Variants in ZNF687 observed in about 807,000 individuals in gnomAD.
ZNF687 encodes the protein zinc finger protein 687.
ZNF687 carries 13 observed loss-of-function variants against 71.8 expected under a neutral mutation model. That is an observed-to-expected ratio of 0.18 (90% CI 0.12 to 0.29). The LOEUF is 0.29. ZNF687 is among the 10% of genes least tolerant of loss of function. The probability of loss-of-function intolerance (pLI) is 1.00; values close to 1 mark genes in which losing one functional copy is unlikely to be tolerated. For missense variants in ZNF687, 1,412 were observed against 1,625.6 expected, an observed-to-expected ratio of 0.87 and a Z score of 2.26; for synonymous variants, 673 against 641.6, an observed-to-expected ratio of 1.05 and a Z score of -0.74.
At position 151,289,239 on chromosome 1, in the gene ZNF687, C is replaced by G. The variant is rs770578025; in HGVS notation, c.2439C>G (p.Ser813=). 3 of 1,614,068 alleles carry G rather than the reference C, an allele frequency of 1.9e-6. No homozygotes were observed. In the Admixed American group the frequency reaches 5.0e-5, roughly 27 times the overall value. The change falls in exon 4 of 9, where the codon TCC becomes TCG. Residue 813 remains serine, a synonymous_variant. Coordinates refer to ENST00000336715, the MANE Select transcript of ZNF687 (RefSeq NM_020832.3). ...CAAGTGCCCATGCCCACCTCTACTC[C>G]CAGCATCCCAGCTTCCAAACTCAGC... The part of the protein sequence containing the change: ...SGPSAHAHLY[S]QHPSFQTQQA...
chr1:151,287,152 A>T lies in ZNF687; in HGVS notation c.861A>T (p.Glu287Asp), dbSNP rs149043825. The T allele has an allele frequency of 2.8e-4, 444 of 1,614,140 alleles. No individual in the cohort carries two copies. Among genetic ancestry groups the T allele is most frequent in the Non-Finnish European group, 3.0e-4 (357 of 1,180,012 alleles). The change falls in exon 2 of 9, where the codon GAA becomes GAT. Residue 287 changes from glutamate (E) to aspartate (D), a missense_variant. Transcript: ENST00000336715. This position sits in a 1 kb window ranked among gnomAD's most constrained non-coding sequence, Gnocchi z 5.0. ...KVPVCQPLKE[E>D]DDDEGPVDKS... ...CCGTCTGTCAGCCCTTGAAGGAAGA[A>T]GATGATGATGAGGGGCCAGTGGACA...
In ZNF687 at chr1:151,289,612, A is replaced by G. The variant is rs1215824605; in HGVS notation, c.2635-66A>G. ...TGGGGCTGGGGCCACATACTTCAGAAGTGGGGGGCTTTGGCATAGCCAGGC... is the reference window on the plus strand; with the variant it reads ...TGGGGCTGGGGCCACATACTTCAGAGGTGGGGGGCTTTGGCATAGCCAGGC... On this transcript the variant is annotated intron_variant, in intron 5 of 8. Transcript: ENST00000336715. 5 of 1,607,108 alleles carry G rather than the reference A, an allele frequency of 3.1e-6. No individual in the cohort carries two copies. The Admixed American group carries it at 8.4e-5, about 27-fold the overall frequency.
rs199776443 is a variant in ZNF687 at position 151,287,379 on chromosome 1, C to T, written c.1088C>T (p.Ala363Val). The T allele has an allele frequency of 1.8e-4, 294 of 1,614,038 alleles. No homozygotes were observed. The highest frequency in any genetic ancestry group is 3.3e-4 in the Middle Eastern group (2 of 6,084). ...CCACCTGCCCCCTTGGCTGAGGGGG[C>T]CTTCTTGGCTGAGGCTAGCCTCTTG... Reference protein sequence around the residue: ...PDPPAPLAEGAFLAEASLLKL... With the variant: ...PDPPAPLAEGVFLAEASLLKL... The change falls in exon 2 of 9, where the codon GCC becomes GTC. Residue 363 changes from alanine to valine, a missense_variant. Ala to Val is a moderately conservative substitution (Grantham distance 64). Coordinates refer to ENST00000336715, the MANE Select transcript of ZNF687 (RefSeq NM_020832.3). The surrounding 1 kb of genome is among the most constrained non-coding windows in gnomAD (Gnocchi z 5.0).
At chr1:151,282,225 G>C, upstream of ZNF687, 1 of 1,034,420 alleles carries the variant, frequency 9.7e-7, no homozygotes, top group Non-Finnish European at 1.2e-6. Flanking sequence ...CCAATGGCGA[G>C]TGCGAAAACG....
At position 151,288,359 on chromosome 1, in the gene ZNF687, G is replaced by A. The variant is rs1186461071; in HGVS notation, c.2068G>A (p.Ala690Thr). 3 of 1,609,554 alleles carry A rather than the reference G, an allele frequency of 1.9e-6. No individual in the cohort carries two copies. The highest frequency in any genetic ancestry group is 1.7e-5 in the Admixed American group (1 of 59,974). Reference sequence around the variant, plus strand: ...GTGCCGGGACAAGGCTGGCATGGCAGCTCACTTCCAGCAGCTCGGCCCCCC... The same window carrying A: ...GTGCCGGGACAAGGCTGGCATGGCAACTCACTTCCAGCAGCTCGGCCCCCC... The part of the protein sequence containing the change: ...EQCRDKAGMA[A>T]HFQQLGPPAP... The change falls in exon 2 of 9, where the codon GCT becomes ACT. Residue 690 changes from alanine to threonine, a missense_variant. This residue lies in a region of ZNF687 where 207 missense variants were observed against 239.2 expected (regional missense o/e 0.87). Coordinates refer to ENST00000336715, the MANE Select transcript of ZNF687 (RefSeq NM_020832.3).
Position 151,290,220 on chromosome 1 carries a change from A to T in ZNF687, c.3063A>T (p.Arg1021=). The change falls in exon 7 of 9, where the codon CGA becomes CGT. Residue 1021 remains arginine, a synonymous_variant. Coordinates refer to ENST00000336715, the MANE Select transcript of ZNF687 (RefSeq NM_020832.3). ...GAGTTAATCACGAGGGCATCAAGCG[A>T]GTTTACCCCTGCAGGTAAGTCTTGC... ...HVRVNHEGIK[R]VYPCRYCTEG... is the part of the protein sequence containing the mutation. 1.2e-6 allele frequency: 2 copies of T among 1,613,938 alleles called. No individual in the cohort carries two copies. The highest frequency in any genetic ancestry group is 3.3e-5 in the Admixed American group (2 of 60,016).
chr1:151,291,046 C>CGGGG lies in ZNF687; in HGVS notation c.3551_3552insGGGG (p.Asp1185GlyfsTer2), dbSNP rs777993819. 2 of 1,613,888 alleles carry CGGGG rather than the reference C, an allele frequency of 1.2e-6. No individual in the cohort carries two copies. Among genetic ancestry groups the CGGGG allele is most frequent in the Non-Finnish European group, 1.7e-6 (2 of 1,180,020 alleles). ...GAGGAAGAGGCCCCTCCATCAAGGT[C>CGGGG]TGACCCCGATGGTGGAGACTCACCC... is the stretch of plus-strand genomic sequence containing the variant. On this transcript the variant is annotated frameshift_variant, in exon 9 of 9. Coordinates refer to ENST00000336715, the MANE Select transcript of ZNF687 (RefSeq NM_020832.3). LOFTEE classifies it high-confidence loss of function.
Position 151,282,352 on chromosome 1 carries a change from G to T in ZNF687, c.-61G>T. ...GGCGGTGGCTGCAGCGGCTGGAGCG[G>T]GGTAGAGACCGCCGGGTCTCGGCCC... On this transcript the variant is annotated 5_prime_UTR_variant, in exon 1 of 9. Coordinates refer to ENST00000336715, the MANE Select transcript of ZNF687 (RefSeq NM_020832.3). The T allele has an allele frequency of 1.0e-6, 1 of 996,442 alleles. No individual in the cohort carries two copies. The highest frequency in any genetic ancestry group is 1.2e-6 in the Non-Finnish European group (1 of 834,864). 61.7% of individuals were successfully genotyped at this position (996,442 alleles called of 1,614,324 possible). A position where few individuals can be genotyped will look rare whatever the true frequency, so the allele number is the denominator to read the frequency against.
rs761448707 is a variant in ZNF687, at chr1:151,290,108, C to T, written c.2965-14C>T. On this transcript the variant is annotated splice_polypyrimidine_tract_variant and intron_variant, in intron 6 of 8. Coordinates refer to ENST00000336715, the MANE Select transcript of ZNF687 (RefSeq NM_020832.3). Reference sequence around the variant, plus strand: ...CCTGGAGCCTGGCTCTGACATCTACCCCTGCTCTCCTAGTCAGTGAAAAAG... The same window carrying T: ...CCTGGAGCCTGGCTCTGACATCTACTCCTGCTCTCCTAGTCAGTGAAAAAG... 3.1e-6 allele frequency: 5 copies of T among 1,613,722 alleles called. No individual in the cohort carries two copies. Among genetic ancestry groups the T allele is most frequent in the East Asian group, 2.2e-5 (1 of 44,898 alleles).
At position 151,291,546 on chromosome 1, in the gene ZNF687, G is replaced by T; in HGVS notation, c.*337G>T. 4.3e-6 allele frequency: 1 copy of T among 234,162 alleles called. No homozygotes were observed. The allele number at this position is 234,162 out of a possible 1,614,324, so 14.5% of individuals were successfully genotyped here. A position where few individuals can be genotyped will look rare whatever the true frequency, so the allele number is the denominator to read the frequency against. On this transcript the variant is annotated 3_prime_UTR_variant, in exon 9 of 9. Coordinates refer to ENST00000336715, the MANE Select transcript of ZNF687 (RefSeq NM_020832.3). ...TGCTAGACAGGTTCAGGGAAGGACT[G>T]ATGGGGGTGTCATGGATGGACACAC...
At chr1:151,284,534 G>A (rs1191846104) in intron 1 of ZNF687, among the ~76,000 whole-genome samples, 1 of 151,912 alleles carries the variant, frequency 6.6e-6, no homozygotes, top group East Asian at 1.9e-4. Context: ...TTTTCTCCCT[G>A]CTGACCAAGC....
At chr1:151,288,731 A>T in intron 3 of ZNF687, 25 bp downstream of exon 3, 1 of 1,593,480 alleles carries the variant, frequency 6.3e-7, no homozygotes, top group South Asian at 1.1e-5. Flanking sequence ...TCCTCCATAG[A>T]ACTGTAGGGT....
In ZNF687 at chr1:151,290,495, C is replaced by T; in HGVS notation, c.3141C>T (p.Val1047=). The T allele has an allele frequency of 6.2e-7, 1 of 1,613,996 alleles. No individual in the cohort carries two copies. ...TGATCCTAGAGAAACATGTCCAGGT[C>T]CGGCACGGCTTGCAGCTTGGGGCCC... ...SRLILEKHVQ[V]RHGLQLGAQS... Residue 1047 remains valine (V), a synonymous_variant, in exon 8 of 9, where the codon GTC becomes GTT. Coordinates refer to ENST00000336715, the MANE Select transcript of ZNF687 (RefSeq NM_020832.3).
At chr1:151,283,335 C>T in intron 1 of ZNF687, 1 of 982,388 alleles carries the variant, frequency 1.0e-6, no homozygotes. Context: ...GGAGCCCCCA[C>T]TCGACCTGGG....
chr1:151,291,359 T>C lies in ZNF687; in HGVS notation c.*150T>C. 5.3e-6 allele frequency: 6 copies of C among 1,134,374 alleles called. No homozygotes were observed. Among genetic ancestry groups the C allele is most frequent in the East Asian group, 2.6e-5 (1 of 38,336 alleles). The allele number at this position is 1,134,374 out of a possible 1,614,324, so 70.3% of individuals were successfully genotyped here. A position where few individuals can be genotyped will look rare whatever the true frequency, so the allele number is the denominator to read the frequency against. ...CTGAAGAAGAAGAGCATTTGAGGAT[T>C]ATTCTAGTTATTTGCAACCTCCCTT... On this transcript the variant is annotated 3_prime_UTR_variant, in exon 9 of 9. Transcript: ENST00000336715.
Position 151,286,916 on chromosome 1 carries a change from A to G in ZNF687, c.625A>G (p.Met209Val), listed in dbSNP as rs1226557857. 1 of 1,612,940 alleles carries G rather than the reference A, an allele frequency of 6.2e-7. No homozygotes were observed. The highest frequency in any genetic ancestry group is 1.3e-5 in the African/African-American group (1 of 74,920). ...GCTGGCCCAGGAGAATGGCCCAGGC[A>G]TGCAGCCACCTGTTTCTTCCCCACC... Reference protein sequence around the residue: ...FELAQENGPGMQPPVSSPPLG... With the variant: ...FELAQENGPGVQPPVSSPPLG... Residue 209 changes from methionine to valine, a missense_variant, in exon 2 of 9, where the codon ATG becomes GTG. Coordinates refer to ENST00000336715, the MANE Select transcript of ZNF687 (RefSeq NM_020832.3).
chr1:151,288,190 G>A lies in ZNF687; in HGVS notation c.1899G>A (p.Leu633=), dbSNP rs370233809. 102 of 1,613,712 alleles carry A rather than the reference G, an allele frequency of 6.3e-5. No individual in the cohort carries two copies. The highest frequency in any genetic ancestry group is 8.0e-5 in the Non-Finnish European group (94 of 1,179,968). Residue 633 remains leucine, a synonymous_variant, in exon 2 of 9, where the codon TTG becomes TTA. Coordinates refer to ENST00000336715, the MANE Select transcript of ZNF687 (RefSeq NM_020832.3). ...CTGGACCTCTGGCCTTGCCTGCCTT[G>A]GGCAAGGGTGAGGGGGCCATCACCT... ...PVSGPLALPA[L]GKGEGAITSS...
chr1:151,289,783 G>A lies in ZNF687; in HGVS notation c.2740G>A (p.Gly914Arg), dbSNP rs1194558349. The A allele has an allele frequency of 6.4e-7, 1 of 1,563,010 alleles. No individual in the cohort carries two copies. ...TGAGGAGCTGGCTGTTTCTCAGGGA[G>A]GGGCAGCCCCTGCTACTGAGGAGTC... The part of the protein sequence containing the change: ...EPEELAVSQG[G>R]AAPATEESSS... The change falls in exon 6 of 9, where the codon GGG (glycine) becomes AGG (arginine). Residue 914 changes from glycine to arginine, a missense_variant. Transcript: ENST00000336715.
chr1:151,284,318 G>A (rs1693854812), intron 1 of ZNF687: 1 of 968,314 alleles, frequency 1.0e-6, no homozygotes, highest in South Asian at 4.8e-5. Context: ...GAGGGGTGGA[G>A]AAGGAAGGGC....
Sources: allele counts gnomAD v4.1 joint callset (sites outside exome capture counted in the v4.1 genomes callset), GRCh38; gene constraint gnomAD v4.1.1; regional missense constraint gnomAD v4.1.1; non-coding constraint Gnocchi (gnomAD v3.1); transcripts MANE v1.5; gene names NCBI Gene and HGNC (gene_info 2026-07-23, HGNC 2026-07-21).